The following ERC2 variants were observed in gnomAD, a reference collection of about 807,000 sequenced individuals.
ERC2 encodes ELKS/RAB6-interacting/CAST family member 2.
In ERC2, 42 loss-of-function variants were observed where a neutral mutation model predicts 114.8. The ratio of observed to expected loss-of-function variants is 0.37; its 90% CI spans 0.29 to 0.47. The LOEUF (loss-of-function observed/expected upper bound fraction) is 0.47. Among genes scored for constraint, ERC2 ranks in the 20% least tolerant of loss-of-function variants. The pLI is 0.99. For synonymous variants in ERC2, 454 were observed against 425.5 expected, an observed-to-expected ratio of 1.07 and a Z score of -0.82; for missense variants, 939 against 1,150.7, an observed-to-expected ratio of 0.82 and a Z score of 2.66.
At chr3:55,603,593 G>C (rs1239526987) in intron 17 of ERC2, among the ~76,000 whole-genome samples, 1 of 147,550 alleles carries the variant, frequency 6.8e-6, no homozygotes, top group Non-Finnish European at 1.5e-5. Context: ...GCAGTGAGCT[G>C]AGATAGTGCC....
chr3:55,597,439 T>C (rs973780346), intron 17 of ERC2, among the ~76,000 whole-genome samples: 49 of 148,524 alleles, frequency 3.3e-4, no homozygotes, highest in Non-Finnish European at 5.5e-4. Context: ...AAAAAAATGA[T>C]TTTAGAACCT....
At chr3:55,583,544 TCTTCCTTC>T (rs377125700) in intron 17 of ERC2, among the ~76,000 whole-genome samples, 2,335 of 38,946 alleles carry the variant, frequency 0.06, 108 homozygotes, top group South Asian at 0.16. Context: ...TTCCTTCCTT[TCTTCCTTC>T]CTTCCTTCCT....
chr3:55,973,347 C>T (rs537901465), intron 12 of ERC2, among the ~76,000 whole-genome samples: 1 of 152,216 alleles, frequency 6.6e-6, no homozygotes, highest in South Asian at 2.1e-4. Context: ...CGTTGTGCCA[C>T]TTCCACACCT....
In ERC2 at chr3:55,888,526, C is replaced by T. The variant is rs368401870; in HGVS notation, c.2427G>A (p.Leu809=). 1.9e-6 allele frequency: 3 copies of T among 1,613,706 alleles called. No homozygotes were observed. The African/African-American group carries it at 4.0e-5, about 22-fold the overall frequency. ...CATCCAGTTCCTGTCTGGTCTTCTC[C>T]AGTGCATTCATCAGTTCCTCTATCT... ...HLQIEELMNA[L]EKTRQELDAT... Residue 809 remains leucine (L), a synonymous_variant, in exon 14 of 18, where the codon CTG becomes CTA. Coordinates refer to ENST00000288221, the MANE Select transcript of ERC2 (RefSeq NM_015576.3).
chr3:55,790,055 C>T (rs1161664015), intron 14 of ERC2, among the ~76,000 whole-genome samples: 1 of 152,134 alleles, frequency 6.6e-6, no homozygotes, highest in Non-Finnish European at 1.5e-5. Flanking sequence ...TCTAAAGGCT[C>T]TCCCCCAAAC....
At chr3:56,206,331 A>C (rs886848177) in intron 3 of ERC2, among the ~76,000 whole-genome samples, 1 of 152,158 alleles carries the variant, frequency 6.6e-6, no homozygotes, top group African/African-American at 2.4e-5. Context: ...ATTTTCATTC[A>C]GTAGTTCCCA....
chr3:55,618,693 G>A (rs2059216583), intron 17 of ERC2, among the ~76,000 whole-genome samples: 1 of 152,176 alleles, frequency 6.6e-6, no homozygotes, highest in South Asian at 2.1e-4. Context: ...TTTCTGGATG[G>A]TGGATTAGAG....
chr3:56,031,754 G>A (rs978358923), intron 7 of ERC2, among the ~76,000 whole-genome samples: 1 of 152,024 alleles, frequency 6.6e-6, no homozygotes, highest in Non-Finnish European at 1.5e-5. Context: ...AGAAAATAAG[G>A]AAAATAACAC....
chr3:56,125,480 T>C (rs2079816723), intron 6 of ERC2, among the ~76,000 whole-genome samples: 1 of 152,202 alleles, frequency 6.6e-6, no homozygotes, highest in Admixed American at 6.5e-5. Flanking sequence ...AGGGAAGTTA[T>C]CATGAACTGA....
chr3:55,988,750 T>C (rs1369114570), intron 11 of ERC2, among the ~76,000 whole-genome samples: 2 of 152,214 alleles, frequency 1.3e-5, no homozygotes, highest in Non-Finnish European at 2.9e-5. Flanking sequence ...GTTTTCAAAA[T>C]TACAAATTTA....
intron 17 of ERC2, among the ~76,000 whole-genome samples, chr3:55,642,317 G>GC (rs1173230842): frequency 1.4e-5 from 2 of 147,448 alleles, no homozygotes; most frequent in Non-Finnish European, 3.0e-5. Flanking sequence ...ACAGATCACA[G>GC]CTTTTTTTTT....
chr3:56,095,690 G>T (rs772150799), intron 6 of ERC2, among the ~76,000 whole-genome samples: 8 of 152,144 alleles, frequency 5.3e-5, no homozygotes, highest in Non-Finnish European at 1.2e-4. Flanking sequence ...TTCCTATGAG[G>T]AACTAACTCA....
intron 6 of ERC2, among the ~76,000 whole-genome samples, chr3:56,088,206 A>ATCCTCAAAC (rs1326932658): frequency 6.6e-6 from 1 of 152,186 alleles, no homozygotes; most frequent in African/African-American, 2.4e-5. Context: ...TCCTCAAGTG[A>ATCCTCAAAC]CTGTGAGAAA....
chr3:56,313,197 G>A (rs908230754), intron 2 of ERC2, among the ~76,000 whole-genome samples: 4 of 150,402 alleles, frequency 2.7e-5, no homozygotes, highest in African/African-American at 9.7e-5. Flanking sequence ...GGAGGATGGG[G>A]AAATGACTGC....
At chr3:55,752,223 A>G (rs1454658224) in intron 14 of ERC2, among the ~76,000 whole-genome samples, 1 of 152,184 alleles carries the variant, frequency 6.6e-6, no homozygotes, top group Non-Finnish European at 1.5e-5. Context: ...CCAAAAGAAA[A>G]AGGGACAGCT....
intron 17 of ERC2, among the ~76,000 whole-genome samples, chr3:55,581,620 A>G (rs1012296262): frequency 1.3e-5 from 2 of 152,082 alleles, no homozygotes; most frequent in Non-Finnish European, 2.9e-5. Context: ...TGGTCCTTAT[A>G]CCTCCAATTC....
chr3:55,757,539 A>C (rs1420744518), intron 14 of ERC2, among the ~76,000 whole-genome samples: 1 of 152,324 alleles, frequency 6.6e-6, no homozygotes, highest in East Asian at 1.9e-4. Flanking sequence ...CATAAGATTC[A>C]GCTTAATAAC....
At chr3:56,145,956 A>AT (rs2081110617) in intron 5 of ERC2, among the ~76,000 whole-genome samples, 1 of 152,114 alleles carries the variant, frequency 6.6e-6, no homozygotes, top group Non-Finnish European at 1.5e-5. Flanking sequence ...TGCAAGCAGT[A>AT]TTCCCAGGCT....
chr3:56,304,674 A>T (rs1421745291), intron 2 of ERC2, among the ~76,000 whole-genome samples: 3 of 152,198 alleles, frequency 2.0e-5, no homozygotes, highest in Non-Finnish European at 4.4e-5. Flanking sequence ...CATGCCCAAG[A>T]TGTGTTTCTC....
Sources: allele counts gnomAD v4.1 joint callset (sites outside exome capture counted in the v4.1 genomes callset), GRCh38; gene constraint gnomAD v4.1.1; transcripts MANE v1.5; gene names NCBI Gene and HGNC (gene_info 2026-07-23, HGNC 2026-07-21).